Variants in LCA5 observed in about 807,000 individuals in gnomAD.
The protein encoded by LCA5 is lebercilin.
A neutral mutation model predicts 53.0 loss-of-function variants in LCA5; 37 were observed. The observed-to-expected ratio is 0.70, with a 90% CI of 0.54 to 0.92. LCA5 has a LOEUF of 0.92. Ranked by LOEUF, LCA5 falls within the 40% of genes least tolerant of loss-of-function variation. The pLI, the probability that LCA5 is intolerant of heterozygous loss-of-function variation, is 0.00. For synonymous variants in LCA5, 303 were observed against 282.9 expected (o/e 1.07, Z -0.71); for missense variants, 806 against 790.5 (o/e 1.02, Z -0.23).
Position 79,485,299 on chromosome 6 carries a change from C to T in LCA5, c.*1705G>A, listed in dbSNP as rs1769617432. On this transcript the variant is annotated 3_prime_UTR_variant, in exon 8 of 8. Coordinates refer to ENST00000369846, the MANE Select transcript of LCA5 (RefSeq NM_001122769.3). ...AAAGTTTTAAAAGCCTTTAAAACAACCTGAAAATTAGAATACTTTTGGCAG... is the reference window on the plus strand; with the variant it reads ...AAAGTTTTAAAAGCCTTTAAAACAATCTGAAAATTAGAATACTTTTGGCAG... 6.6e-6 allele frequency: 1 copy of T among 152,368 alleles called. No homozygotes were observed. 9.4% of individuals were successfully genotyped at this position (152,368 alleles called of 1,614,324 possible). A position where few individuals can be genotyped will look rare whatever the true frequency, so the allele number is the denominator to read the frequency against.
At position 79,499,128 on chromosome 6, in the gene LCA5, TAGA is replaced by T. The variant is rs1440673584; in HGVS notation, c.721-5381_721-5379del. On this transcript the variant is annotated intron_variant, in intron 3 of 7. Transcript: ENST00000369846. Reference sequence around the variant, plus strand: ...AACAAAAACCCTAGCAAGCCAGTAGTAGAAGAAAATTTCCTTACACATAAATAC... The same window carrying T: ...AACAAAAACCCTAGCAAGCCAGTAGTAGAAAATTTCCTTACACATAAATAC... 2.0e-5 allele frequency among the ~76,000 whole-genome samples: 3 copies of T among 152,190 alleles called. No homozygotes were observed. In the East Asian group the frequency reaches 5.8e-4, roughly 29 times the overall value.
At chr6:79,490,210 G>C (rs1228871202) in intron 6 of LCA5, among the ~76,000 whole-genome samples, 2 of 151,950 alleles carry the variant, frequency 1.3e-5, no homozygotes, top group Non-Finnish European at 2.9e-5. Context: ...TGTACTCTAA[G>C]CTACCATTTG....
chr6:79,493,245 C>T (rs1769889907), intron 4 of LCA5, among the ~76,000 whole-genome samples: 1 of 152,066 alleles, frequency 6.6e-6, no homozygotes, highest in South Asian at 2.1e-4. Flanking sequence ...AAATGAAGGG[C>T]ATCATTTGAA....
chr6:79,511,846 C>T (rs926477075), intron 3 of LCA5, among the ~76,000 whole-genome samples: 7 of 151,880 alleles, frequency 4.6e-5, no homozygotes, highest in Non-Finnish European at 7.4e-5. Flanking sequence ...AGTGAGCAGT[C>T]ATATAATTTA....
At chr6:79,504,917 G>C (rs1191832372) in intron 3 of LCA5, among the ~76,000 whole-genome samples, 1 of 152,008 alleles carries the variant, frequency 6.6e-6, no homozygotes, top group East Asian at 1.9e-4. Context: ...CAATGTGTAT[G>C]GTACACTCCC....
rs919857374 is a variant in LCA5, at chr6:79,500,191, C to T, written c.721-6441G>A. 4.8e-4 allele frequency among the ~76,000 whole-genome samples: 73 copies of T among 152,080 alleles called. 2 individuals carry two copies. Among genetic ancestry groups the T allele is most frequent in the Non-Finnish European group, 2.4e-4 (16 of 68,024 alleles). ...TGTGTCTTTATAGCAGCATGATTTA[C>T]AGTCCTTTGGGTAATTTTTTTCCCC... is the stretch of plus-strand genomic sequence containing the variant. On this transcript the variant is annotated intron_variant, in intron 3 of 7. Coordinates refer to ENST00000369846, the MANE Select transcript of LCA5 (RefSeq NM_001122769.3).
chr6:79,502,648 T>C (rs1434862378), intron 3 of LCA5, among the ~76,000 whole-genome samples: 1 of 152,186 alleles, frequency 6.6e-6, no homozygotes, highest in African/African-American at 2.4e-5. Context: ...TATCAGAAGA[T>C]GCTGATAAAA....
At chr6:79,490,318 A>T (rs1032143557) in intron 6 of LCA5, among the ~76,000 whole-genome samples, 1 of 151,682 alleles carries the variant, frequency 6.6e-6, no homozygotes, top group East Asian at 1.9e-4. Context: ...AGAAAAAAAA[A>T]TTTCATGATT....
At chr6:79,497,583 T>C (rs933898938) in intron 3 of LCA5, among the ~76,000 whole-genome samples, 2 of 152,116 alleles carry the variant, frequency 1.3e-5, no homozygotes, top group Admixed American at 6.6e-5. Context: ...AACAACAGTA[T>C]GTGGAAATGG....
upstream of LCA5, among the ~76,000 whole-genome samples, chr6:79,537,716 G>A (rs1360696734): frequency 6.6e-6 from 1 of 152,144 alleles, no homozygotes; most frequent in Non-Finnish European, 1.5e-5. Flanking sequence ...GGGCAAAGTG[G>A]GTTCATGATA....
At chr6:79,506,214 G>A (rs1007851785) in intron 3 of LCA5, among the ~76,000 whole-genome samples, 8 of 151,990 alleles carry the variant, frequency 5.3e-5, no homozygotes, top group Admixed American at 2.0e-4. Flanking sequence ...GTTTCTTTTT[G>A]TTTTTCTAAC....
At chr6:79,520,663 A>G (rs1766599588) in intron 1 of LCA5, among the ~76,000 whole-genome samples, 1 of 152,214 alleles carries the variant, frequency 6.6e-6, no homozygotes, top group Non-Finnish European at 1.5e-5. Context: ...CACTATTGTA[A>G]GTAGAAAACT....
chr6:79,501,965 CCAT>C (rs1435848432), intron 3 of LCA5, among the ~76,000 whole-genome samples: 1 of 151,728 alleles, frequency 6.6e-6, no homozygotes, highest in Non-Finnish European at 1.5e-5. Context: ...TTTTCATGCA[CCAT>C]TCTAGCAATC....
At chr6:79,497,412 A>C (rs992448203) in intron 3 of LCA5, among the ~76,000 whole-genome samples, 7 of 152,216 alleles carry the variant, frequency 4.6e-5, no homozygotes, top group Non-Finnish European at 7.3e-5. Context: ...ATACCTTAAG[A>C]AGGAAAATAA....
chr6:79,508,846 G>C (rs1298846393), intron 3 of LCA5, among the ~76,000 whole-genome samples: 1 of 152,146 alleles, frequency 6.6e-6, no homozygotes, highest in Non-Finnish European at 1.5e-5. Flanking sequence ...AGTTAGAAGA[G>C]AAAGGATCAA....
rs919955867 is a variant in LCA5, at chr6:79,512,336, G to A, written c.720+876C>T. ...CAAATTTTGGAGGAAAAAAATAGCC[G>A]CTTTTTCTGGCCACTGATGTACGGT... On this transcript the variant is annotated intron_variant, in intron 3 of 7. Transcript: ENST00000369846. Among the ~76,000 whole-genome samples the A allele has an allele frequency of 6.6e-5, 10 of 151,978 alleles. No homozygotes were observed. In the East Asian group the frequency reaches 9.7e-4, roughly 15 times the overall value.
intron 1 of LCA5, among the ~76,000 whole-genome samples, chr6:79,527,584 G>A (rs190175368): frequency 1.1e-4 from 17 of 152,346 alleles, no homozygotes; most frequent in African/African-American, 3.6e-4. Context: ...CAGCTGGGAT[G>A]ATGTATGGTA....
chr6:79,535,557 CA>C (rs1767088901), intron 1 of LCA5, among the ~76,000 whole-genome samples: 1 of 151,960 alleles, frequency 6.6e-6, no homozygotes, highest in Non-Finnish European at 1.5e-5. Flanking sequence ...TTTGGGCTTG[CA>C]AAATTAGGAG....
intron 3 of LCA5, among the ~76,000 whole-genome samples, chr6:79,509,368 C>T (rs1054332118): frequency 1.3e-5 from 2 of 150,538 alleles, no homozygotes; most frequent in African/African-American, 2.4e-5. Flanking sequence ...GCAGGAGAAT[C>T]GCTTGAACCC....
Sources: gnomAD v4.1 joint callset for allele counts (sites outside exome capture counted in the v4.1 genomes callset) on GRCh38, gnomAD v4.1.1 for gene constraint, MANE v1.5 for transcripts, NCBI Gene and HGNC (gene_info 2026-07-23, HGNC 2026-07-21) for gene names.